The following ZNF765 variants were observed in gnomAD, a reference collection of about 807,000 sequenced individuals.
The protein encoded by ZNF765 is zinc finger protein 765.
Under a neutral mutation model 44.7 loss-of-function variants are expected in ZNF765, and 37 were observed. That is an observed-to-expected ratio of 0.83 (90% CI 0.64 to 1.09). ZNF765 has a LOEUF of 1.09. Ranked by LOEUF, ZNF765 falls within the 50% of genes least tolerant of loss-of-function variation. The pLI, the probability that ZNF765 is intolerant of heterozygous loss-of-function variation, is 0.00. For synonymous variants in ZNF765, 201 were observed against 213.7 expected, an observed-to-expected ratio of 0.94 and a Z score of 0.52; for missense variants, 594 against 626.1, an observed-to-expected ratio of 0.95 and a Z score of 0.55.
intron 2 of ZNF765, among the ~76,000 whole-genome samples, 165 bp downstream of exon 2, chr19:53,398,195 C>T (rs1024335926): frequency 8.5e-5 from 13 of 152,164 alleles, no homozygotes; most frequent in Admixed American, 2.6e-4. Context: ...TTCCATCTCC[C>T]ATGATCCAGT....
At chr19:53,401,089 C>T (rs1265424267) in intron 2 of ZNF765, among the ~76,000 whole-genome samples, 1 of 152,004 alleles carries the variant, frequency 6.6e-6, no homozygotes, top group Non-Finnish European at 1.5e-5. Context: ...CAACCTCTGC[C>T]TCCTGGGATC....
In ZNF765 at chr19:53,408,359, G is replaced by A. The variant is rs757372560; in HGVS notation, c.804G>A (p.Glu268=). 3 of 1,614,202 alleles carry A rather than the reference G, an allele frequency of 1.9e-6. No individual in the cohort carries two copies. In the South Asian group the frequency reaches 3.3e-5, roughly 18 times the overall value. ...VARHRRCHTG[E]KPYKCNECGK... The stretch of plus-strand genomic sequence containing the variant: ...GCCATCGTAGATGTCACACTGGTGA[G>A]AAACCTTACAAGTGTAATGAGTGTG... The change falls in exon 4 of 4, where the codon GAG becomes GAA. Residue 268 remains glutamate (E), a synonymous_variant. Coordinates refer to ENST00000396408, the MANE Select transcript of ZNF765 (RefSeq NM_001040185.3).
chr19:53,398,229 C>T (rs2085689807), intron 2 of ZNF765, among the ~76,000 whole-genome samples, 199 bp downstream of exon 2: 1 of 152,164 alleles, frequency 6.6e-6, no homozygotes, highest in African/African-American at 2.4e-5. Flanking sequence ...GAAGAGGCTG[C>T]ACTGGGCATG....
chr19:53,400,994 C>T (rs191706282), intron 2 of ZNF765, among the ~76,000 whole-genome samples: 51 of 151,360 alleles, frequency 3.4e-4, no homozygotes, highest in African/African-American at 9.5e-4. Context: ...CACCATGCCT[C>T]GCTAATTCGC....
chr19:53,412,591 G>A (rs773167601), downstream of ZNF765, among the ~76,000 whole-genome samples: 1 of 152,170 alleles, frequency 6.6e-6, no homozygotes, highest in Non-Finnish European at 1.5e-5. Flanking sequence ...TTTGAAAAGA[G>A]ACTCTATCAA....
chr19:53,424,459 A>C (rs2085926785), exon 4 of ZNF765: 1 of 151,944 alleles, frequency 6.6e-6, no homozygotes, highest in Admixed American at 6.6e-5. Context: ...GTGTGACAAG[A>C]GTGATACTCT....
intron 2 of ZNF765, among the ~76,000 whole-genome samples, chr19:53,401,520 G>A (rs1248100131): frequency 1.3e-5 from 2 of 150,094 alleles, no homozygotes; most frequent in South Asian, 2.2e-4. Flanking sequence ...CCGAGATCGC[G>A]CCACTGTACT....
chr19:53,407,425 G>A (rs3859491), intron 3 of ZNF765, among the ~76,000 whole-genome samples: 125,113 of 152,076 alleles, frequency 0.82, 51,768 homozygotes, highest in Admixed American at 0.87. Context: ...TTAGGGTCAC[G>A]ATGGAAAAAT....
chr19:53,409,414 G>T lies in ZNF765; in HGVS notation c.*287G>T, dbSNP rs1224229132. The T allele has an allele frequency of 3.6e-6, 3 of 841,912 alleles. No individual in the cohort carries two copies. The highest frequency in any genetic ancestry group is 3.3e-5 in the African/African-American group (2 of 59,810). 52.2% of individuals were successfully genotyped at this position (841,912 alleles called of 1,614,324 possible). ...AGCTTTCTGTTTCAAATCCAACCTTGAAAGACATAGGAGAATTCACACTGG... is the reference window on the plus strand; with the variant it reads ...AGCTTTCTGTTTCAAATCCAACCTTTAAAGACATAGGAGAATTCACACTGG... On this transcript the variant is annotated 3_prime_UTR_variant, in exon 4 of 4. Transcript: ENST00000396408.
At chr19:53,415,020 C>T (rs1430309944), downstream of ZNF765, among the ~76,000 whole-genome samples, 3 of 151,942 alleles carry the variant, frequency 2.0e-5, no homozygotes, top group African/African-American at 7.3e-5. Flanking sequence ...ACCTGTAATC[C>T]CAGCACTTTG....
At chr19:53,401,605 C>A (rs1213213655) in intron 2 of ZNF765, among the ~76,000 whole-genome samples, 1 of 151,670 alleles carries the variant, frequency 6.6e-6, no homozygotes, top group African/African-American at 2.4e-5. Flanking sequence ...GGGCCGGGCA[C>A]GGTGGATCAT....
chr19:53,398,131 AG>A (rs1214184698), intron 2 of ZNF765, 101 bp downstream of exon 2: 2 of 1,600,568 alleles, frequency 1.2e-6, no homozygotes, highest in African/African-American at 2.7e-5. Context: ...CTTGCCTGAC[AG>A]GTTTGCTCGC....
At chr19:53,419,938 T>C (rs1952637222) in intron 3 of ZNF765, among the ~76,000 whole-genome samples, 1 of 151,980 alleles carries the variant, frequency 6.6e-6, no homozygotes, top group African/African-American at 2.4e-5. Flanking sequence ...GAGAATTTCT[T>C]GAACCCAGGA....
At chr19:53,400,097 C>G (rs1255080913) in intron 2 of ZNF765, among the ~76,000 whole-genome samples, 1 of 152,176 alleles carries the variant, frequency 6.6e-6, no homozygotes, top group Non-Finnish European at 1.5e-5. Flanking sequence ...CAGGCATGAG[C>G]CACCGCATCT....
downstream of ZNF765, among the ~76,000 whole-genome samples, chr19:53,413,529 G>C (rs879233582): frequency 2.6e-5 from 4 of 151,338 alleles, no homozygotes; most frequent in African/African-American, 9.7e-5. Context: ...AATATGTGAG[G>C]CTTTTCATTT....
chr19:53,417,029 G>T (rs773274035), intron 3 of ZNF765, among the ~76,000 whole-genome samples: 8 of 152,034 alleles, frequency 5.3e-5, no homozygotes, highest in Non-Finnish European at 1.2e-4. Flanking sequence ...TGTTGGCCAG[G>T]CCGGTCCCTA....
chr19:53,400,763 C>CAT (rs35520888), intron 2 of ZNF765, among the ~76,000 whole-genome samples: 21 of 116,824 alleles, frequency 1.8e-4, no homozygotes, highest in Middle Eastern at 5.1e-3. Context: ...TATTTGTTGA[C>CAT]ATATATATAT....
In ZNF765 at chr19:53,423,303, G is replaced by C. The variant is rs114835795; in HGVS notation, c.*201G>C. 4.5e-3 allele frequency: 2,907 copies of C among 646,414 alleles called. 42 individuals carry two copies. The highest frequency in any genetic ancestry group is 0.045 in the African/African-American group (2,461 of 54,918). 40.0% of individuals were successfully genotyped at this position (646,414 alleles called of 1,614,324 possible). ...AGATCTGGGATACTGTTCTGCTGCT[G>C]ATCACGAGGGCACCAGAGAGTCGCT... is the stretch of plus-strand genomic sequence containing the variant. On this transcript the variant is annotated 3_prime_UTR_variant, in exon 4 of 4. Transcript: ENST00000594030.
At chr19:53,397,219 T>C (rs1337657942) in intron 1 of ZNF765, among the ~76,000 whole-genome samples, 6 of 152,220 alleles carry the variant, frequency 3.9e-5, no homozygotes, top group Admixed American at 1.3e-4. Context: ...ACTTTCTACA[T>C]ACTCCTCCTT....
Sources: allele counts gnomAD v4.1 joint callset (sites outside exome capture counted in the v4.1 genomes callset), GRCh38; gene constraint gnomAD v4.1.1; transcripts MANE v1.5; gene names NCBI Gene and HGNC (gene_info 2026-07-23, HGNC 2026-07-21).